The following MAST4 variants were observed in gnomAD, a reference collection of about 807,000 sequenced individuals.
The protein encoded by MAST4 is microtubule-associated serine/threonine-protein kinase 4.
In MAST4, 89 loss-of-function variants were observed where a neutral mutation model predicts 162.7. The observed-to-expected ratio is 0.55, with a 90% CI of 0.46 to 0.65. The LOEUF (loss-of-function observed/expected upper bound fraction) is 0.65. MAST4 is among the 30% of genes least tolerant of loss of function. The pLI, the probability that MAST4 is intolerant of heterozygous loss-of-function variation, is 0.00. For synonymous variants in MAST4, 1,479 were observed against 1,361.1 expected, an observed-to-expected ratio of 1.09 and a Z score of -1.91; for missense variants, 3,153 against 3,374.0, an observed-to-expected ratio of 0.93 and a Z score of 1.62.
chr5:66,858,614 T>A (rs186894064), intron 3 of MAST4, among the ~76,000 whole-genome samples: 1 of 152,310 alleles, frequency 6.6e-6, no homozygotes, highest in Admixed American at 6.5e-5. Context: ...GCACGTCTCT[T>A]ATTTTTGTTC....
chr5:66,652,641 A>G (rs982577844), intron 1 of MAST4, among the ~76,000 whole-genome samples: 1 of 152,238 alleles, frequency 6.6e-6, no homozygotes, highest in Non-Finnish European at 1.5e-5. Context: ...CTGAGAGAGA[A>G]TAACATCGTT....
chr5:67,166,995 C>G lies in MAST4; in HGVS notation c.7816C>G (p.Arg2606Gly). 1 of 1,608,946 alleles carries G rather than the reference C, an allele frequency of 6.2e-7. No individual in the cohort carries two copies. The highest frequency in any genetic ancestry group is 8.5e-7 in the Non-Finnish European group (1 of 1,178,288). ...SLSNEKDFVV[R>G]QRRGKESLRS... is the part of the protein sequence containing the mutation. ...TTCTAATGAGAAGGACTTTGTGGTA[C>G]GGCAGAGGCGGGGGAAAGAGAGTTT... Residue 2606 changes from arginine to glycine, a missense_variant, in exon 29 of 29, where the codon CGG becomes GGG. Around this residue, in one of 7 missense-constraint regions of MAST4, gnomAD observed 1,644 missense variants for 1,495.0 expected, o/e 1.10. Coordinates refer to ENST00000403625, the MANE Select transcript of MAST4 (RefSeq NM_001164664.2).
intron 3 of MAST4, among the ~76,000 whole-genome samples, chr5:66,896,377 A>G (rs1448465961): frequency 6.6e-6 from 1 of 152,172 alleles, no homozygotes; most frequent in Non-Finnish European, 1.5e-5. Flanking sequence ...TTGATCACTC[A>G]GTTACAGTGG....
intron 5 of MAST4, among the ~76,000 whole-genome samples, chr5:67,060,627 G>T (rs541083761): frequency 1.3e-4 from 20 of 152,042 alleles, no homozygotes; most frequent in Non-Finnish European, 1.2e-4. Flanking sequence ...ACAGGCGCCT[G>T]CCACCACGCC....
intron 4 of MAST4, among the ~76,000 whole-genome samples, chr5:67,049,008 CAT>C (rs1309526315): frequency 1.8e-3 from 188 of 104,502 alleles, no homozygotes; most frequent in Middle Eastern, 8.8e-3. Context: ...TATACACACA[CAT>C]ATATATATAT....
intron 4 of MAST4, among the ~76,000 whole-genome samples, chr5:66,958,127 G>C (rs968535943): frequency 6.6e-6 from 1 of 152,112 alleles, no homozygotes; most frequent in South Asian, 2.1e-4. Context: ...CTCTTTGTGT[G>C]TGTGTGTATG....
At chr5:66,809,257 T>C (rs1756358083) in intron 3 of MAST4, among the ~76,000 whole-genome samples, 1 of 152,250 alleles carries the variant, frequency 6.6e-6, no homozygotes, top group Non-Finnish European at 1.5e-5. Context: ...GAGCTGTTCC[T>C]TAAGGCATTT....
chr5:66,864,457 C>T (rs40156), intron 3 of MAST4, among the ~76,000 whole-genome samples: 82,635 of 151,802 alleles, frequency 0.54, 23,741 homozygotes, highest in Non-Finnish European at 0.64. Context: ...CCAGGCTGGA[C>T]CCAGAGAGTA....
intron 9 of MAST4, among the ~76,000 whole-genome samples, chr5:67,102,969 A>C (rs1026156108): frequency 6.6e-6 from 1 of 152,106 alleles, no homozygotes; most frequent in Non-Finnish European, 1.5e-5. Flanking sequence ...TTAAGTAGAG[A>C]CTGTTTTTCT....
intron 1 of MAST4, among the ~76,000 whole-genome samples, chr5:66,648,849 A>G (rs1580099531): frequency 1.3e-5 from 2 of 152,166 alleles, no homozygotes; most frequent in Non-Finnish European, 2.9e-5. Context: ...TCTTGAAGTA[A>G]AAATCTTAAT....
In MAST4 at chr5:66,716,547, G is replaced by A. The variant is rs577940553; in HGVS notation, c.364-43162G>A. 5.1e-3 allele frequency among the ~76,000 whole-genome samples: 761 copies of A among 150,450 alleles called. 4 individuals are homozygous for A. The highest frequency in any genetic ancestry group is 6.3e-3 in the Non-Finnish European group (424 of 67,712). On this transcript the variant is annotated intron_variant, in intron 1 of 28. Transcript: ENST00000403625. ...AAATTTTTTTTTTTTTTTCTGTAGA[G>A]ACAGGGTCTCCCTATATTACCCAGG...
chr5:66,754,599 C>G (rs1433331616), intron 1 of MAST4, among the ~76,000 whole-genome samples: 1 of 152,068 alleles, frequency 6.6e-6, no homozygotes, highest in Admixed American at 6.6e-5. Context: ...TTGATTTGCT[C>G]TTTCCACCAA....
chr5:67,000,916 C>T (rs1046549087), intron 4 of MAST4, among the ~76,000 whole-genome samples: 10 of 152,162 alleles, frequency 6.6e-5, no homozygotes, highest in African/African-American at 1.7e-4. Flanking sequence ...AGTAGGATGA[C>T]AAGCTTGTTT....
intron 1 of MAST4, among the ~76,000 whole-genome samples, chr5:66,672,479 T>C (rs1290454576): frequency 1.3e-5 from 2 of 152,246 alleles, no homozygotes; most frequent in Non-Finnish European, 2.9e-5. Context: ...TTCTATCTTA[T>C]ATTGCTTATA....
chr5:66,686,325 CTATTATTAT>C (rs146782861), intron 1 of MAST4, among the ~76,000 whole-genome samples: 2 of 151,848 alleles, frequency 1.3e-5, no homozygotes, highest in East Asian at 3.9e-4. Context: ...GTAGTTATTA[CTATTATTAT>C]TATTATTGTA....
intron 4 of MAST4, among the ~76,000 whole-genome samples, chr5:66,989,799 AACTAT>A (rs1347547821): frequency 1.3e-5 from 2 of 152,242 alleles, no homozygotes; most frequent in African/African-American, 4.8e-5. Flanking sequence ...GGAACTTTAA[AACTAT>A]CTTAAATCTC....
intron 1 of MAST4, among the ~76,000 whole-genome samples, chr5:66,753,485 C>A (rs1177796236): frequency 6.6e-6 from 1 of 151,770 alleles, no homozygotes; most frequent in Non-Finnish European, 1.5e-5. Flanking sequence ...ACCGATCCCA[C>A]AGAAATACAA....
At chr5:66,638,529 T>C (rs368232253) in intron 1 of MAST4, among the ~76,000 whole-genome samples, 1 of 152,218 alleles carries the variant, frequency 6.6e-6, no homozygotes, top group Non-Finnish European at 1.5e-5. Flanking sequence ...ATGAGATATC[T>C]TAGAAATAGG....
At chr5:66,940,407 T>C (rs1206002318) in intron 4 of MAST4, among the ~76,000 whole-genome samples, 1 of 152,216 alleles carries the variant, frequency 6.6e-6, no homozygotes, top group African/African-American at 2.4e-5. Context: ...TCTTCCATAA[T>C]TGGAGTCAGC....
Sources: gnomAD v4.1 joint callset for allele counts (sites outside exome capture counted in the v4.1 genomes callset) on GRCh38, gnomAD v4.1.1 for gene constraint, gnomAD v4.1.1 regional missense constraint, MANE v1.5 for transcripts, NCBI Gene and HGNC (gene_info 2026-07-23, HGNC 2026-07-21) for gene names.